The following EHBP1 variants were observed in gnomAD, a reference collection of about 807,000 sequenced individuals.
The protein encoded by EHBP1 is EH domain binding protein 1, also known as EH domain-binding protein 1.
A neutral mutation model predicts 144.0 loss-of-function variants in EHBP1; 55 were observed. The ratio of observed to expected loss-of-function variants is 0.38; its 90% CI spans 0.31 to 0.48. The LOEUF is 0.48. Ranked by LOEUF, EHBP1 falls within the 20% of genes least tolerant of loss-of-function variation. The pLI is 0.98. For synonymous variants in EHBP1, 469 were observed against 472.7 expected, an observed-to-expected ratio of 0.99 and a Z score of 0.10; for missense variants, 1,200 against 1,364.2, an observed-to-expected ratio of 0.88 and a Z score of 1.90.
intron 7 of EHBP1, among the ~76,000 whole-genome samples, chr2:62,835,021 C>G (rs533218113): frequency 6.6e-6 from 1 of 152,248 alleles, no homozygotes; most frequent in South Asian, 2.1e-4. Context: ...AGTTTATTCT[C>G]TTAAAGCCTC....
intron 19 of EHBP1, among the ~76,000 whole-genome samples, chr2:63,030,535 T>C (rs1348873525): frequency 6.6e-6 from 1 of 152,120 alleles, no homozygotes; most frequent in African/African-American, 2.4e-5. Flanking sequence ...TCGCCCAGGC[T>C]GGAGTGCAGT....
At chr2:63,010,977 A>G (rs1271012629) in intron 19 of EHBP1, among the ~76,000 whole-genome samples, 1 of 151,606 alleles carries the variant, frequency 6.6e-6, no homozygotes, top group Non-Finnish European at 1.5e-5. Flanking sequence ...GGTTTCCTTA[A>G]AGAGGGCAAC....
chr2:62,823,083 G>C (rs563390049), intron 5 of EHBP1, among the ~76,000 whole-genome samples: 3 of 152,068 alleles, frequency 2.0e-5, no homozygotes, highest in Non-Finnish European at 4.4e-5. Context: ...TCAGTAATCA[G>C]ATTCCTAGGT....
intron 19 of EHBP1, 108 bp from the exon 20 acceptor site, chr2:63,037,427 G>T: frequency 2.9e-6 from 2 of 692,666 alleles, no homozygotes; most frequent in Non-Finnish European, 2.5e-6. Context: ...TTAATATATA[G>T]TATTAGAATA....
chr2:62,928,855 A>G (rs878943140), intron 10 of EHBP1, among the ~76,000 whole-genome samples: 20 of 151,470 alleles, frequency 1.3e-4, no homozygotes, highest in African/African-American at 2.4e-4. Context: ...AAAAAAAAAA[A>G]AGAGAAAAGG....
At chr2:63,038,713 CAT>C in intron 20 of EHBP1, 28 bp from the exon 21 acceptor site, 1 of 1,587,078 alleles carries the variant, frequency 6.3e-7, no homozygotes, top group African/African-American at 1.3e-5. Flanking sequence ...TAGTAATTAG[CAT>C]ATTGATGAAC....
At chr2:62,899,991 A>G (rs2053262328) in intron 10 of EHBP1, among the ~76,000 whole-genome samples, 1 of 152,246 alleles carries the variant, frequency 6.6e-6, no homozygotes, top group African/African-American at 2.4e-5. Context: ...AGTGTGCTAC[A>G]TTTCAGGCAA....
chr2:62,957,641 CT>C (rs1157397512), intron 14 of EHBP1, among the ~76,000 whole-genome samples: 9,173 of 86,128 alleles, frequency 0.11, 85 homozygotes, highest in African/African-American at 0.13. Context: ...AAAATAAATG[CT>C]TTTTTTTTTT....
rs567976129 is a variant in EHBP1 at position 62,945,104 on chromosome 2, G to A, written c.1413+1254G>A. On this transcript the variant is annotated intron_variant, in intron 12 of 22. Coordinates refer to ENST00000431489, the MANE Select transcript of EHBP1 (RefSeq NM_001142616.3). ...GACTTTGTCACCTTTAGAAATCACAGATATTTTCGATATTTTCATGTCATG... is the reference window on the plus strand; with the variant it reads ...GACTTTGTCACCTTTAGAAATCACAAATATTTTCGATATTTTCATGTCATG... Among the ~76,000 whole-genome samples the A allele has an allele frequency of 2.0e-5, 3 of 152,254 alleles. No individual in the cohort carries two copies. The South Asian group carries it at 6.2e-4, about 32-fold the overall frequency.
At chr2:62,981,141 A>T (rs1240535441) in intron 15 of EHBP1, among the ~76,000 whole-genome samples, 1 of 151,368 alleles carries the variant, frequency 6.6e-6, no homozygotes, top group African/African-American at 2.4e-5. Flanking sequence ...ATCATGCAGG[A>T]TTTTTATTGC....
rs1445035888 is a variant in EHBP1 at position 62,900,682 on chromosome 2, G to GTATATATATATATATATATATATATATA, written c.1185+26151_1185+26152insATATATATATATATATATATATATATAT. On this transcript the variant is annotated intron_variant, in intron 10 of 22. Transcript: ENST00000431489. ...TTGTTTTTTGTGGGTGTGTGTGTAT[G>GTATATATATATATATATATATATATATA]TGTATATATATATATATATATTTTC... Among the ~76,000 whole-genome samples, 574 of 144,086 alleles carry GTATATATATATATATATATATATATATA rather than the reference G, an allele frequency of 4.0e-3. 17 individuals are homozygous for GTATATATATATATATATATATATATATA. Among genetic ancestry groups the GTATATATATATATATATATATATATATA allele is most frequent in the African/African-American group, 0.015 (545 of 35,298 alleles). The allele number at this position is 144,086 out of a possible 152,430, so 94.5% of individuals were successfully genotyped here. A position where few individuals can be genotyped will look rare whatever the true frequency, so the allele number is the denominator to read the frequency against.
At chr2:62,808,841 G>GT (rs1245115545) in intron 5 of EHBP1, among the ~76,000 whole-genome samples, 1 of 152,116 alleles carries the variant, frequency 6.6e-6, no homozygotes, top group Non-Finnish European at 1.5e-5. Context: ...TATGAACTTC[G>GT]TAAGTGTTTC....
At chr2:62,878,348 T>C (rs1220282876) in intron 10 of EHBP1, among the ~76,000 whole-genome samples, 1 of 152,082 alleles carries the variant, frequency 6.6e-6, no homozygotes, top group African/African-American at 2.4e-5. Context: ...GAAAAAGCCT[T>C]GGACTAGACA....
At chr2:63,002,806 T>C (rs890776216) in intron 19 of EHBP1, among the ~76,000 whole-genome samples, 2 of 152,106 alleles carry the variant, frequency 1.3e-5, no homozygotes, top group African/African-American at 2.4e-5. Context: ...ATTATAACAA[T>C]GTAACTTCTA....
intron 1 of EHBP1, chr2:62,706,313 A>G (rs1370078638): frequency 1.3e-5 from 2 of 152,186 alleles, no homozygotes; most frequent in Non-Finnish European, 2.9e-5. Context: ...AGGAGTTTCC[A>G]TTTCCCTCCG....
chr2:62,787,764 C>G (rs1390949373), intron 5 of EHBP1, among the ~76,000 whole-genome samples: 1 of 152,204 alleles, frequency 6.6e-6, no homozygotes, highest in Non-Finnish European at 1.5e-5. Context: ...CACACATAAT[C>G]TCTGGCTCAG....
chr2:63,019,766 G>C (rs1385855209), intron 19 of EHBP1, among the ~76,000 whole-genome samples: 1 of 134,296 alleles, frequency 7.4e-6, no homozygotes, highest in South Asian at 2.7e-4. Flanking sequence ...GAGGGGAGGG[G>C]AGAGGAGGGG....
intron 10 of EHBP1, among the ~76,000 whole-genome samples, chr2:62,928,271 C>T (rs1242590057): frequency 6.6e-6 from 1 of 152,162 alleles, no homozygotes; most frequent in African/African-American, 2.4e-5. Flanking sequence ...CATGCTTTAT[C>T]TGTGCTAACC....
intron 5 of EHBP1, among the ~76,000 whole-genome samples, chr2:62,791,581 CT>C (rs1214538748): frequency 2.0e-5 from 3 of 151,774 alleles, no homozygotes; most frequent in African/African-American, 7.2e-5. Flanking sequence ...GTTTTAAATT[CT>C]GTAATCGAGT....
Sources: allele counts gnomAD v4.1 joint callset (sites outside exome capture counted in the v4.1 genomes callset), GRCh38; gene constraint gnomAD v4.1.1; transcripts MANE v1.5; gene names NCBI Gene and HGNC (gene_info 2026-07-23, HGNC 2026-07-21).